Variants in GRB14 observed in about 807,000 individuals in gnomAD.
GRB14 encodes the protein growth factor receptor-bound protein 14.
A neutral mutation model predicts 69.1 loss-of-function variants in GRB14; 38 were observed. That is an observed-to-expected ratio of 0.55 (90% CI 0.42 to 0.72). The LOEUF (loss-of-function observed/expected upper bound fraction) is 0.72. Ranked by LOEUF, GRB14 falls within the 30% of genes least tolerant of loss-of-function variation. The probability of loss-of-function intolerance (pLI) is 0.00; values close to 1 mark genes in which losing one functional copy is unlikely to be tolerated. For synonymous variants in GRB14, 247 were observed against 241.3 expected (o/e 1.02, Z -0.22); for missense variants, 666 against 666.1 (o/e 1.00, Z 0.00).
At chr2:164,516,822 G>A (rs1485035850) in intron 6 of GRB14, among the ~76,000 whole-genome samples, 4 of 152,076 alleles carry the variant, frequency 2.6e-5, no homozygotes, top group African/African-American at 9.7e-5. Context: ...GCAGAATTTC[G>A]AGACCAGCCT....
chr2:164,537,074 T>C (rs1220811094), intron 3 of GRB14, among the ~76,000 whole-genome samples: 3 of 152,084 alleles, frequency 2.0e-5, no homozygotes, highest in South Asian at 2.1e-4. Context: ...GTCAGGCAAG[T>C]GTAAGAGGCA....
Position 164,578,328 on chromosome 2 carries a change from A to C in GRB14, c.325-30512T>G, listed in dbSNP as rs2105335673. Reference sequence around the variant, plus strand: ...GGAATTACAAAAACAATTTTGACTCATAAATATTTTAATGCTATAGAAGAC... The same window carrying C: ...GGAATTACAAAAACAATTTTGACTCCTAAATATTTTAATGCTATAGAAGAC... On this transcript the variant is annotated intron_variant, in intron 2 of 13. Transcript: ENST00000263915. Among the ~76,000 whole-genome samples, 2 of 152,332 alleles carry C rather than the reference A, an allele frequency of 1.3e-5. 1 individual carries two copies.
chr2:164,502,684 G>T (rs535546519), intron 8 of GRB14, among the ~76,000 whole-genome samples: 1 of 151,330 alleles, frequency 6.6e-6, no homozygotes. Context: ...GAAGGGCGAT[G>T]TGCTTTCTGG....
At chr2:164,506,634 A>G (rs982744428) in intron 8 of GRB14, among the ~76,000 whole-genome samples, 11 of 152,212 alleles carry the variant, frequency 7.2e-5, no homozygotes, top group African/African-American at 2.2e-4. Context: ...GAAAACCTGT[A>G]CTCAAACAAA....
At chr2:164,509,011 T>G (rs1687269921) in intron 6 of GRB14, among the ~76,000 whole-genome samples, 159 bp from the exon 7 acceptor site, 2 of 152,200 alleles carry the variant, frequency 1.3e-5, no homozygotes, top group Admixed American at 6.5e-5. Context: ...AGCTGCCATA[T>G]CTTTAATTAA....
At position 164,529,398 on chromosome 2, in the gene GRB14, A is replaced by G. The variant is rs76138086; in HGVS notation, c.482-2263T>C. On this transcript the variant is annotated intron_variant, in intron 3 of 13. Transcript: ENST00000263915. ...AACGCCACTGAACTGTACACATACA[A>G]AATTTCAAATGGTACCAAAAAACTT... Among the ~76,000 whole-genome samples, 207 of 152,322 alleles carry G rather than the reference A, an allele frequency of 1.4e-3. 7 individuals are homozygous for G. In the East Asian group the frequency reaches 0.033, roughly 24 times the overall value.
At chr2:164,546,824 C>T (rs1427203050) in intron 3 of GRB14, among the ~76,000 whole-genome samples, 2 of 152,064 alleles carry the variant, frequency 1.3e-5, no homozygotes, top group Admixed American at 1.3e-4. Context: ...GCTCTGCAAC[C>T]CAGCCAAAGG....
intron 6 of GRB14, 22 bp downstream of exon 6, chr2:164,521,958 C>T (rs763477508): frequency 2.5e-6 from 4 of 1,580,840 alleles, no homozygotes; most frequent in South Asian, 2.3e-5. Flanking sequence ...AGTCATAACA[C>T]ATCATGGATA....
chr2:164,572,965 A>T lies in GRB14; in HGVS notation c.325-25149T>A, dbSNP rs751713540. 5.3e-5 allele frequency among the ~76,000 whole-genome samples: 8 copies of T among 152,096 alleles called. No individual in the cohort carries two copies. In the South Asian group the frequency reaches 1.4e-3, roughly 28 times the overall value. ...CACTATTGTGCTGTGCCCCCTTGGG[A>T]TAACTCATTGCCTAGCTAGGTTCAT... On this transcript the variant is annotated intron_variant, in intron 2 of 13. Transcript: ENST00000263915.
chr2:164,597,086 C>A (rs958508167), intron 2 of GRB14, among the ~76,000 whole-genome samples: 1 of 152,014 alleles, frequency 6.6e-6, no homozygotes, highest in Non-Finnish European at 1.5e-5. Flanking sequence ...TGGTTGTATC[C>A]CAAGAAGAAA....
At chr2:164,509,000 A>T (rs1008363551) in intron 6 of GRB14, 148 bp from the exon 7 acceptor site, 2 of 423,112 alleles carry the variant, frequency 4.7e-6, no homozygotes, top group African/African-American at 4.1e-5. Context: ...AAAAAAATCT[A>T]AGCTGCCATA....
intron 1 of GRB14, among the ~76,000 whole-genome samples, chr2:164,620,756 T>A (rs1308305428): frequency 2.0e-5 from 3 of 152,096 alleles, no homozygotes; most frequent in African/African-American, 7.2e-5. Flanking sequence ...GGGAGGTGAA[T>A]ACATTTATGC....
chr2:164,497,352 A>C, intron 10 of GRB14, 22 bp downstream of exon 10: 2 of 1,601,662 alleles, frequency 1.2e-6, no homozygotes, highest in Non-Finnish European at 1.7e-6. Flanking sequence ...AAATATTTTG[A>C]AGCATGTGAA....
intron 2 of GRB14, among the ~76,000 whole-genome samples, chr2:164,560,454 T>C (rs1236708521): frequency 1.3e-5 from 2 of 152,180 alleles, no homozygotes. Context: ...ACTGCAACCT[T>C]GTTAAAACTA....
chr2:164,495,712 A>G (rs1686875316), intron 12 of GRB14, among the ~76,000 whole-genome samples: 1 of 152,208 alleles, frequency 6.6e-6, no homozygotes, highest in Non-Finnish European at 1.5e-5. Context: ...GTGCTGTGTG[A>G]GATTCCGACA....
At chr2:164,600,767 C>A (rs969190129) in intron 2 of GRB14, among the ~76,000 whole-genome samples, 3 of 152,028 alleles carry the variant, frequency 2.0e-5, no homozygotes, top group Non-Finnish European at 2.9e-5. Context: ...TTATTAATTT[C>A]TTTTTTTAAA....
intron 8 of GRB14, among the ~76,000 whole-genome samples, chr2:164,505,582 TAAGAAG>T (rs924977714): frequency 6.6e-6 from 1 of 152,186 alleles, no homozygotes; most frequent in African/African-American, 2.4e-5. Flanking sequence ...AGGCTTAGAA[TAAGAAG>T]AAGTTTTAAA....
chr2:164,512,058 TG>T (rs1380732773), intron 6 of GRB14, among the ~76,000 whole-genome samples: 1 of 151,988 alleles, frequency 6.6e-6, no homozygotes, highest in African/African-American at 2.4e-5. Context: ...CAGTGAAAAG[TG>T]GGGGGAAGAG....
intron 2 of GRB14, chr2:164,568,271 C>A: frequency 8.3e-7 from 1 of 1,203,026 alleles, no homozygotes. Context: ...GGAAAAAAAG[C>A]AGCAAGAAAA....
Sources: gnomAD v4.1 joint callset for allele counts (sites outside exome capture counted in the v4.1 genomes callset) on GRCh38, gnomAD v4.1.1 for gene constraint, MANE v1.5 for transcripts, NCBI Gene and HGNC (gene_info 2026-07-23, HGNC 2026-07-21) for gene names.